ESPN: variants seen among roughly 807,000 people sequenced by gnomAD.
ESPN encodes the protein autosomal recessive deafness type 36 protein.
ESPN carries 68 observed loss-of-function variants against 77.7 expected under a neutral mutation model. The ratio of observed to expected loss-of-function variants is 0.87; its 90% CI spans 0.72 to 1.07. ESPN has a LOEUF of 1.07. ESPN is among the 50% of genes least tolerant of loss of function. The pLI, the probability that ESPN is intolerant of heterozygous loss-of-function variation, is 0.00. For missense variants in ESPN, 1,060 were observed against 1,239.0 expected, an observed-to-expected ratio of 0.86 and a Z score of 2.17; for synonymous variants, 449 against 567.1, an observed-to-expected ratio of 0.79 and a Z score of 2.96.
chr1:6,451,738 C>G lies in ESPN; in HGVS notation c.2051C>G (p.Pro684Arg). The stretch of plus-strand genomic sequence containing the variant: ...ACAGTGTTCTCAGGCATCGGGCAGC[C>G]GGCCTTCCAGGTAGGCGGGCCCAGC... ...LTTVFSGIGQ[P>R]AFQPDSPLPS... Residue 684 changes from proline (P) to arginine (R), a missense_variant, in exon 9 of 13, where the codon CCG becomes CGG. This residue lies in a region of ESPN where 374 missense variants were observed against 381.4 expected (regional missense o/e 0.98). Coordinates refer to ENST00000645284, the MANE Select transcript of ESPN (RefSeq NM_031475.3). The surrounding 1 kb of genome is among the most constrained non-coding windows in gnomAD (Gnocchi z 4.3). 3.1e-6 allele frequency: 5 copies of G among 1,612,454 alleles called. No homozygotes were observed. The highest frequency in any genetic ancestry group is 4.2e-6 in the Non-Finnish European group (5 of 1,179,770).
At position 6,459,997 on chromosome 1, in the gene ESPN, A is replaced by G. The variant is rs1277426558; in HGVS notation, c.2418-2A>G. On this transcript the variant is annotated splice_acceptor_variant, in intron 12 of 12. Coordinates refer to ENST00000645284, the MANE Select transcript of ESPN (RefSeq NM_031475.3). LOFTEE classifies it high-confidence loss of function. ...GGTCTGCCCCCCTCCCCACTGCCTC[A>G]GGAAAGAGGAGGAGCGACAGAAGCA... 1 of 1,613,338 alleles carries G rather than the reference A, an allele frequency of 6.2e-7. No individual in the cohort carries two copies. Among genetic ancestry groups the G allele is most frequent in the African/African-American group, 1.3e-5 (1 of 74,996 alleles).
intron 1 of ESPN, among the ~76,000 whole-genome samples, chr1:6,426,795 C>T (rs768202778): frequency 6.6e-6 from 1 of 152,130 alleles, no homozygotes; most frequent in South Asian, 2.1e-4. Flanking sequence ...TAGCCAGCCC[C>T]GACCTTTGGG....
At chr1:6,434,874 T>A (rs1643378749) in intron 2 of ESPN, among the ~76,000 whole-genome samples, 1 of 152,010 alleles carries the variant, frequency 6.6e-6, no homozygotes, top group African/African-American at 2.4e-5. Context: ...AGAGGAGAGC[T>A]GAGACCCTAA....
At chr1:6,438,962 A>G (rs1643527364) in intron 2 of ESPN, among the ~76,000 whole-genome samples, 1 of 152,176 alleles carries the variant, frequency 6.6e-6, no homozygotes, top group Admixed American at 6.5e-5. Context: ...AAATACAAAA[A>G]TTAGCCAGGC....
intron 2 of ESPN, among the ~76,000 whole-genome samples, chr1:6,438,670 G>C (rs1643518651): frequency 6.6e-6 from 1 of 152,246 alleles, no homozygotes; most frequent in African/African-American, 2.4e-5. Context: ...CTGAGTCTGT[G>C]CCTCTGTTGT....
Position 6,428,527 on chromosome 1 carries a change from A to G in ESPN, c.488+108A>G. 1.0e-6 allele frequency: 1 copy of G among 989,646 alleles called. No individual in the cohort carries two copies. Among genetic ancestry groups the G allele is most frequent in the South Asian group, 1.7e-5 (1 of 60,278 alleles). 61.3% of individuals were successfully genotyped at this position (989,646 alleles called of 1,614,324 possible). ...GGCACTCCAGGGCAATGATCCCTCC[A>G]GTGGCCATCCTGGGGCCAGAGGGCC... On this transcript the variant is annotated intron_variant, in intron 2 of 12. Transcript: ENST00000645284. The surrounding 1 kb of genome is among the most constrained non-coding windows in gnomAD (Gnocchi z 5.4).
At chr1:6,456,288 A>G (rs1204992046) in intron 10 of ESPN, 2 of 389,264 alleles carry the variant, frequency 5.1e-6, no homozygotes, top group East Asian at 3.7e-5. Flanking sequence ...TGGAAGCAGC[A>G]GGAAGAGCCC....
chr1:6,455,732 C>T, intron 10 of ESPN: 2 of 399,026 alleles, frequency 5.0e-6, no homozygotes. Context: ...ACGAGATGTT[C>T]GACCGACTGG....
Position 6,451,612 on chromosome 1 carries a change from C to T in ESPN, c.1925C>T (p.Ser642Phe). Residue 642 changes from serine to phenylalanine, a missense_variant, in exon 9 of 13, where the codon TCT becomes TTT. Transcript: ENST00000645284. This position sits in a 1 kb window ranked among gnomAD's most constrained non-coding sequence, Gnocchi z 4.3. ...TCCTGCCTCCGCATAGGCACCAAGTCTTTCAACATGATGTCCCCGACGGGC... is the reference window on the plus strand; with the variant it reads ...TCCTGCCTCCGCATAGGCACCAAGTTTTTCAACATGATGTCCCCGACGGGC... Reference protein sequence around the residue: ...RSSSSTGSTKSFNMMSPTGDN... With the variant: ...RSSSSTGSTKFFNMMSPTGDN... 4 of 1,613,008 alleles carry T rather than the reference C, an allele frequency of 2.5e-6. No homozygotes were observed. Among genetic ancestry groups the T allele is most frequent in the Non-Finnish European group, 3.4e-6 (4 of 1,179,856 alleles).
intron 6 of ESPN, chr1:6,445,414 C>T: frequency 1.6e-6 from 1 of 609,748 alleles, no homozygotes; most frequent in East Asian, 2.8e-5. Flanking sequence ...CCTCTAGACA[C>T]ACCAAAGCCT....
rs1211004130 is a variant in ESPN, at chr1:6,428,107, C to T, written c.295-119C>T. On this transcript the variant is annotated intron_variant, in intron 1 of 12. Transcript: ENST00000645284. The surrounding 1 kb of genome is among the most constrained non-coding windows in gnomAD (Gnocchi z 5.4). ...TTGCTGAATGAGGCCTGGCCAATCC[C>T]TCCAGGGAAGACAGAGAGCACAGAG... 1 of 1,129,252 alleles carries T rather than the reference C, an allele frequency of 8.9e-7. No individual in the cohort carries two copies. Among genetic ancestry groups the T allele is most frequent in the Non-Finnish European group, 1.3e-6 (1 of 749,812 alleles). The allele number at this position is 1,129,252 out of a possible 1,614,324, so 70.0% of individuals were successfully genotyped here. A position where few individuals can be genotyped will look rare whatever the true frequency, so the allele number is the denominator to read the frequency against.
chr1:6,451,818 C>T lies in ESPN; in HGVS notation c.2062-15C>T, dbSNP rs374302816. On this transcript the variant is annotated splice_polypyrimidine_tract_variant and intron_variant, in intron 9 of 12. Transcript: ENST00000645284. The surrounding 1 kb of genome is among the most constrained non-coding windows in gnomAD (Gnocchi z 4.3). ...TAGGCCACCGGGCGCTCAGCCCCAC[C>T]GCTTCTCCCTGCAGCCCGATTCGCC... The T allele has an allele frequency of 1.9e-4, 306 of 1,610,702 alleles. No homozygotes were observed. Among genetic ancestry groups the T allele is most frequent in the Non-Finnish European group, 2.4e-4 (286 of 1,179,184 alleles).
intron 10 of ESPN, among the ~76,000 whole-genome samples, chr1:6,453,415 C>G (rs1260280273): frequency 6.6e-6 from 1 of 152,228 alleles, no homozygotes; most frequent in Admixed American, 6.5e-5. Context: ...CAGCCCTAAC[C>G]GGCCACCTTA....
rs1287762151 is a variant in ESPN at position 6,427,257 on chromosome 1, T to A, written c.295-969T>A. ...CTGCCCACCCCTCTGTCATCCTATG[T>A]GCTTGGTGCTGGGAGGTGGTTCTGT... On this transcript the variant is annotated intron_variant, in intron 1 of 12. Coordinates refer to ENST00000645284, the MANE Select transcript of ESPN (RefSeq NM_031475.3). This position sits in a 1 kb window ranked among gnomAD's most constrained non-coding sequence, Gnocchi z 4.6. Among the ~76,000 whole-genome samples the A allele has an allele frequency of 6.6e-6, 1 of 152,106 alleles. No homozygotes were observed. The highest frequency in any genetic ancestry group is 2.4e-5 in the African/African-American group (1 of 41,424).
chr1:6,451,694 C>T lies in ESPN; in HGVS notation c.2007C>T (p.Pro669=), dbSNP rs1643946238. The T allele has an allele frequency of 6.2e-7, 1 of 1,613,024 alleles. No individual in the cohort carries two copies. The highest frequency in any genetic ancestry group is 1.3e-5 in the African/African-American group (1 of 74,946). ...IKAGKSLKPT[P]QSKGLTTVFS... ...CAGGCAAGAGCCTGAAGCCGACGCC[C>T]CAGAGCAAGGGGCTGACCACAGTGT... The change falls in exon 9 of 13, where the codon CCC becomes CCT. Residue 669 remains proline (P), a synonymous_variant. Transcript: ENST00000645284. This position sits in a 1 kb window ranked among gnomAD's most constrained non-coding sequence, Gnocchi z 4.3.
chr1:6,428,459 G>A lies in ESPN; in HGVS notation c.488+40G>A. The A allele has an allele frequency of 1.3e-6, 2 of 1,558,102 alleles. No individual in the cohort carries two copies. The highest frequency in any genetic ancestry group is 1.2e-5 in the South Asian group (1 of 86,012). ...CTTAAGGGGTCCTCTGGGTGGGCTGGGCCAGGGCTTTGGGGGATGCCTGGG... is the reference window on the plus strand; with the variant it reads ...CTTAAGGGGTCCTCTGGGTGGGCTGAGCCAGGGCTTTGGGGGATGCCTGGG... On this transcript the variant is annotated intron_variant, in intron 2 of 12. Coordinates refer to ENST00000645284, the MANE Select transcript of ESPN (RefSeq NM_031475.3). This position sits in a 1 kb window ranked among gnomAD's most constrained non-coding sequence, Gnocchi z 5.4.
chr1:6,441,805 C>T lies in ESPN; in HGVS notation c.990+740C>T, dbSNP rs11809075. Among the ~76,000 whole-genome samples, 1,498 of 152,304 alleles carry T rather than the reference C, an allele frequency of 9.8e-3. 19 individuals carry two copies. The highest frequency in any genetic ancestry group is 0.035 in the African/African-American group (1,443 of 41,576). ...CATGGAGGGGCTGTGCAATGAGGCC[C>T]GGAGGGAAGAAGGCAGATGGTCTGT... is the stretch of plus-strand genomic sequence containing the variant. On this transcript the variant is annotated intron_variant, in intron 5 of 12. Coordinates refer to ENST00000645284, the MANE Select transcript of ESPN (RefSeq NM_031475.3).
At chr1:6,458,043 T>C (rs1036140794) in intron 12 of ESPN, among the ~76,000 whole-genome samples, 1 of 150,218 alleles carries the variant, frequency 6.7e-6, no homozygotes, top group Admixed American at 6.7e-5. Flanking sequence ...TTTTTTGAGA[T>C]GGGGTTTCAC....
intron 2 of ESPN, among the ~76,000 whole-genome samples, chr1:6,430,884 G>A (rs1349822733): frequency 1.3e-5 from 2 of 152,220 alleles, no homozygotes; most frequent in Admixed American, 6.5e-5. Context: ...ATTGAGTTGG[G>A]AGGATTGGCC....
Sources: allele counts gnomAD v4.1 joint callset (sites outside exome capture counted in the v4.1 genomes callset), GRCh38; gene constraint gnomAD v4.1.1; regional missense constraint gnomAD v4.1.1; non-coding constraint Gnocchi (gnomAD v3.1); transcripts MANE v1.5; gene names NCBI Gene and HGNC (gene_info 2026-07-23, HGNC 2026-07-21).